SV2B: variants seen among roughly 807,000 people sequenced by gnomAD.
SV2B encodes the protein synaptic vesicle glycoprotein 2B.
In SV2B, 41 loss-of-function variants were observed where a neutral mutation model predicts 73.9. That is an observed-to-expected ratio of 0.56 (90% CI 0.43 to 0.72). The LOEUF (loss-of-function observed/expected upper bound fraction) is 0.72, where lower values mean the gene tolerates loss of function less well. SV2B is among the 30% of genes least tolerant of loss of function. The probability of loss-of-function intolerance (pLI) is 0.00; values close to 1 mark genes in which losing one functional copy is unlikely to be tolerated. For missense variants in SV2B, 764 were observed against 857.8 expected (o/e 0.89, Z 1.37); for synonymous variants, 314 against 314.2 (o/e 1.00, Z 0.01).
At chr15:91,193,147 A>G (rs992951035) in intron 1 of SV2B, among the ~76,000 whole-genome samples, 2 of 152,148 alleles carry the variant, frequency 1.3e-5, no homozygotes, top group Non-Finnish European at 2.9e-5. Context: ...TTGGAAGTCA[A>G]TGAGTCAGGG....
intron 1 of SV2B, among the ~76,000 whole-genome samples, chr15:91,127,474 C>G (rs1471667204): frequency 6.6e-6 from 1 of 152,092 alleles, no homozygotes. Context: ...ACTGACGGCA[C>G]TGTCCGGCCG....
At chr15:91,200,083 A>T (rs1293759697) in intron 1 of SV2B, among the ~76,000 whole-genome samples, 2 of 152,220 alleles carry the variant, frequency 1.3e-5, no homozygotes, top group Non-Finnish European at 2.9e-5. Flanking sequence ...TTTTGATCCC[A>T]CATACATTCA....
At chr15:91,173,405 T>G (rs2141286595) in intron 1 of SV2B, among the ~76,000 whole-genome samples, 1 of 152,238 alleles carries the variant, frequency 6.6e-6, no homozygotes, top group Non-Finnish European at 1.5e-5. Flanking sequence ...TTAGGCAGGG[T>G]CTGATCTTAC....
At chr15:91,221,691 G>GTGCACGCGCGCGCGCGCGCA (rs544613379) in intron 1 of SV2B, among the ~76,000 whole-genome samples, 1 of 91,156 alleles carries the variant, frequency 1.1e-5, no homozygotes, top group African/African-American at 3.3e-5. Context: ...CCAAGCATGT[G>GTGCACGCGCGCGCGCGCGCA]CGCACACACA....
At chr15:91,125,781 C>CAAAAATAAAAAAAAAAA (rs2042460898) in intron 1 of SV2B, among the ~76,000 whole-genome samples, 1 of 57,118 alleles carries the variant, frequency 1.8e-5, no homozygotes, top group Non-Finnish European at 3.5e-5. Context: ...TCTCAAGGGG[C>CAAAAATAAAAAAAAAAA]AAAAAAAAAA....
At position 91,118,994 on chromosome 15, in the gene SV2B, C is replaced by CA. The variant is rs552068924; in HGVS notation, c.-392+18631_-392+18632insA. Among the ~76,000 whole-genome samples the CA allele has an allele frequency of 1.1e-4, 17 of 152,274 alleles. 2 individuals carry two copies. The South Asian group carries it at 3.5e-3, about 32-fold the overall frequency. ...GGCGTGCTGGCTGATCCGCTTGGGG[C>CA]TCCCGGCTTTTACTCCTAATCCTCA... is the stretch of plus-strand genomic sequence containing the variant. On this transcript the variant is annotated intron_variant, in intron 1 of 12. Transcript: ENST00000394232. This position sits in a 1 kb window ranked among gnomAD's most constrained non-coding sequence, Gnocchi z 4.7.
chr15:91,233,142 A>G (rs1324236190), intron 2 of SV2B, among the ~76,000 whole-genome samples: 1 of 152,076 alleles, frequency 6.6e-6, no homozygotes, highest in Non-Finnish European at 1.5e-5. Flanking sequence ...GACGTTAAAG[A>G]CCCTTTTGAC....
chr15:91,205,191 C>T (rs549818238), intron 1 of SV2B, among the ~76,000 whole-genome samples: 1 of 152,150 alleles, frequency 6.6e-6, no homozygotes, highest in African/African-American at 2.4e-5. Flanking sequence ...CTAGTGTCAA[C>T]CTAAAATAAC....
intron 1 of SV2B, among the ~76,000 whole-genome samples, chr15:91,112,331 C>T (rs1378081135): frequency 1.3e-5 from 2 of 152,122 alleles, no homozygotes; most frequent in East Asian, 1.9e-4. Context: ...GTGAGATCGC[C>T]GCTGTCCTGT....
In SV2B at chr15:91,284,383, C is replaced by T. The variant is rs534012974; in HGVS notation, c.1708+162C>T. Among the ~76,000 whole-genome samples the T allele has an allele frequency of 3.3e-4, 50 of 152,316 alleles. No individual in the cohort carries two copies. The highest frequency in any genetic ancestry group is 6.8e-3 in the Middle Eastern group (2 of 294). On this transcript the variant is annotated intron_variant, in intron 11 of 12. Coordinates refer to ENST00000394232, the MANE Select transcript of SV2B (RefSeq NM_001323032.3). The surrounding 1 kb of genome is among the most constrained non-coding windows in gnomAD (Gnocchi z 4.5). ...CTATAGAGCCAAGGATGTGTGCCTA[C>T]AGAAGACTCCAGGGCTCCTGGGAAA...
At chr15:91,112,169 G>A (rs901444642) in intron 1 of SV2B, among the ~76,000 whole-genome samples, 1 of 152,046 alleles carries the variant, frequency 6.6e-6, no homozygotes, top group African/African-American at 2.4e-5. Context: ...AAGGGGGATG[G>A]GGAGAAGTTT....
At chr15:91,190,827 A>G (rs1204581853) in intron 1 of SV2B, among the ~76,000 whole-genome samples, 2 of 152,080 alleles carry the variant, frequency 1.3e-5, no homozygotes, top group Non-Finnish European at 2.9e-5. Context: ...AGGAAATATT[A>G]CAATCTCCAG....
chr15:91,275,761 G>T (rs901865127), intron 9 of SV2B, among the ~76,000 whole-genome samples: 1 of 152,150 alleles, frequency 6.6e-6, no homozygotes, highest in African/African-American at 2.4e-5. Context: ...GGAAGGTGAA[G>T]GTTGCAGTGA....
intron 1 of SV2B, among the ~76,000 whole-genome samples, chr15:91,146,951 G>A (rs1038110366): frequency 2.0e-5 from 3 of 152,162 alleles, no homozygotes; most frequent in African/African-American, 2.4e-5. Flanking sequence ...TTGATCAAGA[G>A]TGACTCATGC....
intron 1 of SV2B, among the ~76,000 whole-genome samples, chr15:91,178,447 G>T (rs1379675581): frequency 6.6e-6 from 1 of 151,952 alleles, no homozygotes; most frequent in Admixed American, 6.6e-5. Context: ...CTGTTGATTG[G>T]AATAGTTTCA....
In SV2B at chr15:91,105,465, G is replaced by A. The variant is rs1298473313; in HGVS notation, c.-392+5102G>A. ...CAGGAACAGCAAGGTGGCTTATGTAGAAGGAACTGAACGAGACAGGGTGAG... is the reference window on the plus strand; with the variant it reads ...CAGGAACAGCAAGGTGGCTTATGTAAAAGGAACTGAACGAGACAGGGTGAG... On this transcript the variant is annotated intron_variant, in intron 1 of 12. Coordinates refer to ENST00000394232, the MANE Select transcript of SV2B (RefSeq NM_001323032.3). The surrounding 1 kb of genome is among the most constrained non-coding windows in gnomAD (Gnocchi z 5.5). 6.6e-6 allele frequency among the ~76,000 whole-genome samples: 1 copy of A among 152,220 alleles called. No individual in the cohort carries two copies. Among genetic ancestry groups the A allele is most frequent in the Non-Finnish European group, 1.5e-5 (1 of 68,028 alleles).
intron 1 of SV2B, among the ~76,000 whole-genome samples, chr15:91,187,975 T>C (rs1446013940): frequency 2.6e-5 from 4 of 152,188 alleles, no homozygotes; most frequent in Non-Finnish European, 5.9e-5. Context: ...TGAAACTATC[T>C]TGTACTCAAA....
At chr15:91,273,552 G>A (rs553864208) in intron 9 of SV2B, among the ~76,000 whole-genome samples, 4 of 152,116 alleles carry the variant, frequency 2.6e-5, no homozygotes, top group African/African-American at 9.6e-5. Context: ...GTTGAGTTTT[G>A]GATATTTATT....
intron 5 of SV2B, among the ~76,000 whole-genome samples, chr15:91,259,172 A>G: frequency 6.6e-6 from 1 of 152,190 alleles, no homozygotes; most frequent in East Asian, 1.9e-4. Context: ...CGTGTTTGGC[A>G]CTGAGAGCTA....
Sources: allele counts gnomAD v4.1 joint callset (sites outside exome capture counted in the v4.1 genomes callset), GRCh38; gene constraint gnomAD v4.1.1; non-coding constraint Gnocchi (gnomAD v3.1); transcripts MANE v1.5; gene names NCBI Gene and HGNC (gene_info 2026-07-23, HGNC 2026-07-21).